Variants in ABI1 observed in about 807,000 individuals in gnomAD.
ABI1 encodes the protein Abelson interactor 1.
In ABI1, 14 loss-of-function variants were observed where a neutral mutation model predicts 54.6. The ratio of observed to expected loss-of-function variants is 0.26; its 90% confidence interval spans 0.17 to 0.40. The LOEUF is 0.40. Among genes scored for constraint, ABI1 ranks in the 10% least tolerant of loss-of-function variants. ABI1 has a pLI of 1.00. For synonymous variants in ABI1, 194 were observed against 209.3 expected (o/e 0.93, Z 0.63); for missense variants, 443 against 598.3 (o/e 0.74, Z 2.71).
rs1196194669 is a variant in ABI1 at position 26,860,839 on chromosome 10, C to G, written c.25G>C (p.Glu9Gln). 3 of 1,614,034 alleles carry G rather than the reference C, an allele frequency of 1.9e-6. No homozygotes were observed. The highest frequency in any genetic ancestry group is 1.7e-5 in the Admixed American group (1 of 60,014). The change falls in exon 1 of 11, where the codon GAG (glutamate) becomes CAG (glutamine). Residue 9 changes from glutamate (E) to glutamine (Q), a missense_variant. Coordinates refer to ENST00000376140, the MANE Select transcript of ABI1 (RefSeq NM_001012750.3). The surrounding 1 kb of genome is among the most constrained non-coding windows in gnomAD (Gnocchi z 4.1). MAELQMLL[E>Q]EEIPSGKRAL... ...CTCTTGCCAGACGGGATCTCCTCCTCTAGTAACATCTGCAGCTCTGCCATT... is the reference window on the plus strand; with the variant it reads ...CTCTTGCCAGACGGGATCTCCTCCTGTAGTAACATCTGCAGCTCTGCCATT...
At chr10:26,758,256 T>G (rs1405799821) in intron 8 of ABI1, among the ~76,000 whole-genome samples, 1 of 152,054 alleles carries the variant, frequency 6.6e-6, no homozygotes, top group Middle Eastern at 3.2e-3. Context: ...ACAAAAGCCA[T>G]GTAGGAAAGC....
chr10:26,839,983 C>T (rs1346461000), intron 1 of ABI1, among the ~76,000 whole-genome samples: 2 of 151,654 alleles, frequency 1.3e-5, no homozygotes, highest in Non-Finnish European at 1.5e-5. Context: ...TAGAGAGATC[C>T]TGTATCAAAA....
In ABI1 at chr10:26,746,666, C is replaced by G; in HGVS notation, c.*1904G>C. On this transcript the variant is annotated 3_prime_UTR_variant, in exon 11 of 11. Transcript: ENST00000376140. Reference sequence around the variant, plus strand: ...AACTTTTTAAATGTAATTAATAAACCACCTGAATCTGTCATTCTAGTCCTA... The same window carrying G: ...AACTTTTTAAATGTAATTAATAAACGACCTGAATCTGTCATTCTAGTCCTA... 1.7e-6 allele frequency: 1 copy of G among 585,416 alleles called. No homozygotes were observed. The highest frequency in any genetic ancestry group is 3.0e-6 in the Non-Finnish European group (1 of 329,728). 36.3% of individuals were successfully genotyped at this position (585,416 alleles called of 1,614,324 possible). A position where few individuals can be genotyped will look rare whatever the true frequency, so the allele number is the denominator to read the frequency against.
chr10:26,753,284 C>T (rs1837863465), intron 9 of ABI1, among the ~76,000 whole-genome samples: 1 of 152,062 alleles, frequency 6.6e-6, no homozygotes. Context: ...TTATCTTTGC[C>T]CATAACTTCC....
chr10:26,792,142 T>G (rs745746271), intron 2 of ABI1, among the ~76,000 whole-genome samples: 21 of 152,196 alleles, frequency 1.4e-4, no homozygotes, highest in Admixed American at 5.2e-4. Context: ...CCTTTTGTGG[T>G]TGGTGAGAAG....
intron 1 of ABI1, among the ~76,000 whole-genome samples, chr10:26,824,741 T>C (rs2048201319): frequency 6.7e-6 from 1 of 149,198 alleles, no homozygotes; most frequent in African/African-American, 2.5e-5. Context: ...GGAGGAGAGG[T>C]AATAAATAGG....
chr10:26,816,554 A>T (rs2047577118), intron 2 of ABI1, among the ~76,000 whole-genome samples: 2 of 152,244 alleles, frequency 1.3e-5, no homozygotes, highest in Non-Finnish European at 2.9e-5. Context: ...CAATTTGCCA[A>T]GGCACAGAAA....
intron 1 of ABI1, among the ~76,000 whole-genome samples, chr10:26,831,520 G>A (rs2048675458): frequency 6.6e-6 from 1 of 152,084 alleles, no homozygotes; most frequent in Admixed American, 6.5e-5. Context: ...TCCAGCCTGG[G>A]CGACAAAGCG....
At chr10:26,839,651 T>TAAAAAAA in intron 1 of ABI1, 2 of 529,972 alleles carry the variant, frequency 3.8e-6, no homozygotes, top group Admixed American at 3.2e-5. Flanking sequence ...TACTTCTGTT[T>TAAAAAAA]AAAAAAAAAA....
rs141979713 is a variant in ABI1, at chr10:26,821,731, G to A, written c.285+1407C>T. Among the ~76,000 whole-genome samples the A allele has an allele frequency of 1.3e-3, 197 of 150,068 alleles. 1 individual carries two copies. In the South Asian group the frequency reaches 0.015, roughly 12 times the overall value. ...GGAGAATTGCTTGGACCCAGGAGGC[G>A]AAGGATGCAGAGAGCCAAGATCACG... On this transcript the variant is annotated intron_variant, in intron 2 of 10. Transcript: ENST00000376140.
intron 8 of ABI1, 45 bp downstream of exon 8, chr10:26,759,017 A>G (rs753196919): frequency 6.5e-7 from 1 of 1,534,886 alleles, no homozygotes; most frequent in African/African-American, 1.4e-5. Flanking sequence ...ATTTCCTTCA[A>G]AAGGAGCTCC....
intron 1 of ABI1, among the ~76,000 whole-genome samples, chr10:26,843,829 C>T (rs1282881694): frequency 1.3e-5 from 2 of 151,918 alleles, no homozygotes; most frequent in African/African-American, 4.8e-5. Context: ...AATAAAGCCA[C>T]TCATACAAGC....
chr10:26,776,854 C>A, intron 3 of ABI1: 2 of 419,698 alleles, frequency 4.8e-6, no homozygotes, highest in Non-Finnish European at 8.3e-6. Flanking sequence ...GCTTAATAAC[C>A]ATTTCTAATT....
At chr10:26,816,889 A>T (rs1051881841) in intron 2 of ABI1, among the ~76,000 whole-genome samples, 1 of 152,190 alleles carries the variant, frequency 6.6e-6, no homozygotes, top group Non-Finnish European at 1.5e-5. Context: ...CTGCCTATAC[A>T]TAAAATGTAC....
intron 7 of ABI1, among the ~76,000 whole-genome samples, chr10:26,760,383 A>G (rs1838972826): frequency 6.6e-6 from 1 of 152,194 alleles, no homozygotes; most frequent in Non-Finnish European, 1.5e-5. Flanking sequence ...AGGTCACACA[A>G]GGTATCAGAT....
intron 1 of ABI1, among the ~76,000 whole-genome samples, chr10:26,830,624 TAAA>T (rs71403893): frequency 1.6e-5 from 2 of 126,306 alleles, no homozygotes; most frequent in Non-Finnish European, 3.4e-5. Flanking sequence ...CTGTCTCCTT[TAAA>T]AAAAAAAAAA....
intron 1 of ABI1, among the ~76,000 whole-genome samples, chr10:26,828,859 C>T (rs2048476114): frequency 6.6e-6 from 1 of 152,168 alleles, no homozygotes; most frequent in African/African-American, 2.4e-5. Context: ...AAATTTGGGG[C>T]ATGGTTCAAA....
intron 1 of ABI1, among the ~76,000 whole-genome samples, chr10:26,832,580 T>C (rs2048757718): frequency 6.6e-6 from 1 of 151,750 alleles, no homozygotes; most frequent in Non-Finnish European, 1.5e-5. Flanking sequence ...TGAGACTCCA[T>C]CTCAAAAAAT....
At position 26,768,933 on chromosome 10, in the gene ABI1, T is replaced by C. The variant is rs567318541; in HGVS notation, c.638A>G (p.Tyr213Cys). Residue 213 changes from tyrosine to cysteine, a missense_variant, in exon 6 of 11, where the codon TAT (tyrosine) becomes TGT (cysteine). Transcript: ENST00000376140. The stretch of plus-strand genomic sequence containing the variant: ...TCCAAGCCTAGCAGGACTGGTCATA[T>C]AGTCATTAGGAACTGTTGGGGGTTT... Reference protein sequence around the residue: ...PVKPPTVPNDYMTSPARLGSQ... With the variant: ...PVKPPTVPNDCMTSPARLGSQ... The C allele has an allele frequency of 5.6e-5, 90 of 1,613,470 alleles. No homozygotes were observed. In the South Asian group the frequency reaches 7.1e-4, roughly 13 times the overall value.
Sources: gnomAD v4.1 joint callset for allele counts (sites outside exome capture counted in the v4.1 genomes callset) on GRCh38, gnomAD v4.1.1 for gene constraint, Gnocchi (gnomAD v3.1) non-coding constraint, MANE v1.5 for transcripts, NCBI Gene and HGNC (gene_info 2026-07-23, HGNC 2026-07-21) for gene names.